Variants in DHX35 observed in about 807,000 individuals in gnomAD.
DHX35 encodes the protein DEAH-box helicase 35, also known as probable ATP-dependent RNA helicase DHX35.
A neutral mutation model predicts 99.6 loss-of-function variants in DHX35; 84 were observed. That is an observed-to-expected ratio of 0.84 (90% CI 0.71 to 1.01). DHX35 has a LOEUF of 1.01. DHX35 is among the 50% of genes least tolerant of loss of function. The probability of loss-of-function intolerance (pLI) is 0.00; values close to 1 mark genes in which losing one functional copy is unlikely to be tolerated. For synonymous variants in DHX35, 331 were observed against 316.2 expected, an observed-to-expected ratio of 1.05 and a Z score of -0.50; for missense variants, 852 against 888.5, an observed-to-expected ratio of 0.96 and a Z score of 0.52.
chr20:39,011,146 A>G (rs1362344535), intron 13 of DHX35, among the ~76,000 whole-genome samples: 1 of 151,810 alleles, frequency 6.6e-6, no homozygotes, highest in Non-Finnish European at 1.5e-5. Flanking sequence ...TTGTTAAGCT[A>G]TTTATCTGTT....
At chr20:39,029,929 G>A (rs1484146162) in intron 19 of DHX35, 1 of 151,798 alleles carries the variant, frequency 6.6e-6, no homozygotes, top group African/African-American at 2.4e-5. Context: ...TCATTCTACT[G>A]AGTTGGAATT....
intron 1 of DHX35, among the ~76,000 whole-genome samples, chr20:38,966,057 G>A (rs763299657): frequency 1.3e-5 from 2 of 152,144 alleles, no homozygotes; most frequent in African/African-American, 4.8e-5. Context: ...TATTTAAAAA[G>A]TGCTGGTATG....
At chr20:39,038,466 A>C in intron 21 of DHX35, 33 bp from the exon 22 acceptor site, 1 of 1,613,002 alleles carries the variant, frequency 6.2e-7, no homozygotes, top group Non-Finnish European at 8.5e-7. Flanking sequence ...TGTCTAATCA[A>C]CCCCAACTGT....
intron 10 of DHX35, among the ~76,000 whole-genome samples, 187 bp from the exon 11 acceptor site, chr20:39,003,562 C>T (rs879631952): frequency 1.3e-5 from 2 of 152,160 alleles, no homozygotes; most frequent in Non-Finnish European, 2.9e-5. Context: ...AAAATTTCAC[C>T]CATTGTCATC....
At chr20:38,963,933 ACTAAG>A (rs140844656) in intron 1 of DHX35, among the ~76,000 whole-genome samples, 4,101 of 152,350 alleles carry the variant, frequency 0.027, 87 homozygotes, top group Non-Finnish European at 0.044. Flanking sequence ...TCTACCACTT[ACTAAG>A]TTGATGACTT....
chr20:39,028,586 A>C, intron 19 of DHX35, 87 bp downstream of exon 19: 1 of 1,398,052 alleles, frequency 7.2e-7, no homozygotes, highest in East Asian at 2.3e-5. Context: ...AGAGATAGTA[A>C]TTGCATAATT....
At chr20:38,992,296 T>C (rs1248520310) in intron 6 of DHX35, 60 bp from the exon 7 acceptor site, 1 of 1,412,954 alleles carries the variant, frequency 7.1e-7, no homozygotes, top group African/African-American at 1.4e-5. Flanking sequence ...TTTGATGGTC[T>C]AGATGAGATG....
At chr20:39,011,358 G>C in intron 13 of DHX35, among the ~76,000 whole-genome samples, 1 of 151,194 alleles carries the variant, frequency 6.6e-6, no homozygotes, top group South Asian at 2.1e-4. Context: ...TATTTTCTGA[G>C]ACAGTCTCAC....
intron 15 of DHX35, 89 bp from the exon 16 acceptor site, chr20:39,021,752 G>C (rs564429744): frequency 4.0e-6 from 5 of 1,263,374 alleles, no homozygotes; most frequent in South Asian, 1.2e-5. Flanking sequence ...TTAGTCTTCA[G>C]TGTGGTGCAA....
At chr20:39,034,182 G>T in intron 20 of DHX35, 24 bp from the exon 21 acceptor site, 1 of 1,557,268 alleles carries the variant, frequency 6.4e-7, no homozygotes, top group Non-Finnish European at 8.8e-7. Flanking sequence ...GGGGAAATTA[G>T]CTCATGTTTC....
In DHX35 at chr20:39,027,482, C is replaced by T. The variant is rs571971878; in HGVS notation, c.1802-936C>T. On this transcript the variant is annotated intron_variant, in intron 18 of 21. Coordinates refer to ENST00000252011, the MANE Select transcript of DHX35 (RefSeq NM_021931.4). ...AAAATTCACAAAAGAAGAAATATGCCGATAGTAATCAAATAAATGTAATAT... is the reference window on the plus strand; with the variant it reads ...AAAATTCACAAAAGAAGAAATATGCTGATAGTAATCAAATAAATGTAATAT... Among the ~76,000 whole-genome samples the T allele has an allele frequency of 7.2e-5, 11 of 152,120 alleles. No homozygotes were observed. The East Asian group carries it at 7.7e-4, about 11-fold the overall frequency.
chr20:38,985,605 A>G (rs1383275175), intron 4 of DHX35, among the ~76,000 whole-genome samples: 1 of 152,136 alleles, frequency 6.6e-6, no homozygotes, highest in East Asian at 1.9e-4. Flanking sequence ...TTTGTATGAA[A>G]ATGGGGCTAA....
intron 8 of DHX35, among the ~76,000 whole-genome samples, chr20:38,997,666 CTG>C (rs920089122): frequency 7.9e-5 from 12 of 152,006 alleles, no homozygotes; most frequent in African/African-American, 2.9e-4. Flanking sequence ...TTCTAAGTGT[CTG>C]TGAATGGGGG....
intron 4 of DHX35, among the ~76,000 whole-genome samples, chr20:38,987,508 G>A (rs1203472595): frequency 6.6e-6 from 1 of 152,142 alleles, no homozygotes; most frequent in East Asian, 1.9e-4. Flanking sequence ...TGCTGGGATT[G>A]TAGGTGTGAA....
chr20:38,984,261 C>T (rs1166203765), intron 4 of DHX35, among the ~76,000 whole-genome samples: 2 of 152,026 alleles, frequency 1.3e-5, no homozygotes, highest in Non-Finnish European at 2.9e-5. Flanking sequence ...TTAAATTGAT[C>T]CTGCACATTA....
At chr20:38,963,442 T>C (rs1285994634) in intron 1 of DHX35, among the ~76,000 whole-genome samples, 2 of 152,242 alleles carry the variant, frequency 1.3e-5, no homozygotes, top group African/African-American at 2.4e-5. Flanking sequence ...GCAAGAGATA[T>C]GTTTAATGCT....
At chr20:39,003,686 A>G (rs748989965) in intron 10 of DHX35, 63 bp from the exon 11 acceptor site, 11 of 1,543,420 alleles carry the variant, frequency 7.1e-6, no homozygotes, top group South Asian at 1.2e-5. Flanking sequence ...TTCTTTCAGT[A>G]TGATAAAATA....
At chr20:39,023,056 A>G (rs2086897797) in intron 16 of DHX35, among the ~76,000 whole-genome samples, 1 of 152,158 alleles carries the variant, frequency 6.6e-6, no homozygotes, top group South Asian at 2.1e-4. Context: ...CCAGATGCTT[A>G]TGTCTGTTTT....
intron 8 of DHX35, among the ~76,000 whole-genome samples, chr20:38,999,499 T>C (rs962179995): frequency 6.6e-6 from 1 of 152,188 alleles, no homozygotes; most frequent in Non-Finnish European, 1.5e-5. Context: ...AACTTGTGAC[T>C]CTCTGATTCT....
Sources: allele counts gnomAD v4.1 joint callset (sites outside exome capture counted in the v4.1 genomes callset), GRCh38; gene constraint gnomAD v4.1.1; transcripts MANE v1.5; gene names NCBI Gene and HGNC (gene_info 2026-07-23, HGNC 2026-07-21).